MYO1G: variants seen among roughly 807,000 people sequenced by gnomAD.
MYO1G encodes unconventional myosin-Ig.
A neutral mutation model predicts 115.3 loss-of-function variants in MYO1G; 65 were observed. The observed-to-expected ratio is 0.56, with a 90% CI of 0.46 to 0.69. The LOEUF (loss-of-function observed/expected upper bound fraction) is 0.69, where lower values mean the gene tolerates loss of function less well. Among genes scored for constraint, MYO1G ranks in the 30% least tolerant of loss-of-function variants. The probability of loss-of-function intolerance (pLI) is 0.00; values close to 1 mark genes in which losing one functional copy is unlikely to be tolerated. For synonymous variants in MYO1G, 510 were observed against 552.6 expected (o/e 0.92, Z 1.08); for missense variants, 1,204 against 1,393.5 (o/e 0.86, Z 2.16).
In MYO1G at chr7:44,971,332, G is replaced by A. The variant is rs73694239; in HGVS notation, c.847-273C>T. 7.8e-3 allele frequency among the ~76,000 whole-genome samples: 1,183 copies of A among 152,310 alleles called. 11 individuals are homozygous for A. The highest frequency in any genetic ancestry group is 0.027 in the African/African-American group (1,133 of 41,556). On this transcript the variant is annotated intron_variant, in intron 7 of 21. Transcript: ENST00000258787. ...CCCATCGCATCCTCCCACAGCCAGC[G>A]GAGCCCTGCACTACTTACTCCTCAT...
chr7:44,976,926 C>G lies in MYO1G; in HGVS notation c.241G>C (p.Val81Leu), dbSNP rs969917828. The change falls in exon 2 of 22, where the codon GTG becomes CTG. Residue 81 changes from valine (V) to leucine (L), a missense_variant. Transcript: ENST00000258787. ...ATTGCCTTGTAGGCGGCGTTGGCCA[C>G]AGCATAGAGATGGGGTGGCCGCTCA... is the stretch of plus-strand genomic sequence containing the variant. ...LYERPPHLYA[V>L]ANAAYKAMKH... 6.2e-7 allele frequency: 1 copy of G among 1,613,606 alleles called. No homozygotes were observed. Among genetic ancestry groups the G allele is most frequent in the Non-Finnish European group, 8.5e-7 (1 of 1,180,042 alleles).
At position 44,970,033 on chromosome 7, in the gene MYO1G, T is replaced by C. The variant is rs1439904085; in HGVS notation, c.1332+7A>G. 1.2e-6 allele frequency: 2 copies of C among 1,612,736 alleles called. No individual in the cohort carries two copies. The highest frequency in any genetic ancestry group is 1.7e-6 in the Non-Finnish European group (2 of 1,179,170). ...TGCCTGGCCTCCCTCCAGGCCACAG[T>C]GCTCACGCTCTGCCAGGTGATGCCC... On this transcript the variant is annotated splice_region_variant and intron_variant, in intron 10 of 21. Transcript: ENST00000258787.
intron 12 of MYO1G, 29 bp from the exon 13 acceptor site, chr7:44,967,987 C>T: frequency 6.2e-7 from 1 of 1,606,462 alleles, no homozygotes; most frequent in Non-Finnish European, 8.5e-7. Flanking sequence ...GGTGAGGGAG[C>T]AGGGGCGGGG....
chr7:44,975,387 C>A (rs997941141), intron 4 of MYO1G, 97 bp downstream of exon 4: 2 of 1,535,498 alleles, frequency 1.3e-6, no homozygotes, highest in Non-Finnish European at 1.8e-6. Flanking sequence ...ACAGCCCAGC[C>A]CTCCTAAGCT....
Position 44,975,111 on chromosome 7 carries a change from C to T in MYO1G, c.618+63G>A. On this transcript the variant is annotated intron_variant, in intron 5 of 21. Coordinates refer to ENST00000258787, the MANE Select transcript of MYO1G (RefSeq NM_033054.3). Reference sequence around the variant, plus strand: ...AGTGATGGAAGGGTCACAAGCTGGTCCAGCTTGCTGCCCTCCCTTTCCCCA... The same window carrying T: ...AGTGATGGAAGGGTCACAAGCTGGTTCAGCTTGCTGCCCTCCCTTTCCCCA... 1.9e-6 allele frequency: 3 copies of T among 1,547,206 alleles called. No individual in the cohort carries two copies. In the East Asian group the frequency reaches 6.7e-5, roughly 35 times the overall value.
rs1302281721 is a variant in MYO1G at position 44,963,350 on chromosome 7, A to T, written c.2746-226T>A. The T allele has an allele frequency of 9.5e-6, 5 of 525,942 alleles. No homozygotes were observed. Among genetic ancestry groups the T allele is most frequent in the African/African-American group, 2.0e-5 (1 of 49,206 alleles). The allele number at this position is 525,942 out of a possible 1,614,324, so 32.6% of individuals were successfully genotyped here. A position where few individuals can be genotyped will look rare whatever the true frequency, so the allele number is the denominator to read the frequency against. On this transcript the variant is annotated intron_variant, in intron 20 of 21. Coordinates refer to ENST00000258787, the MANE Select transcript of MYO1G (RefSeq NM_033054.3). The surrounding 1 kb of genome is among the most constrained non-coding windows in gnomAD (Gnocchi z 4.1). Reference sequence around the variant, plus strand: ...CACAATACGATTTTCTCCAGGACTGATGGTTCTAGATCCTTGCTGTCCAAC... The same window carrying T: ...CACAATACGATTTTCTCCAGGACTGTTGGTTCTAGATCCTTGCTGTCCAAC...
chr7:44,976,840 G>A (rs1169516886), intron 2 of MYO1G, 23 bp downstream of exon 2: 5 of 1,611,032 alleles, frequency 3.1e-6, no homozygotes, highest in Non-Finnish European at 4.2e-6. Flanking sequence ...CGAGGGTGGG[G>A]GCCCGGCGGC....
chr7:44,965,956 C>T, intron 16 of MYO1G, 96 bp from the exon 17 acceptor site: 4 of 1,537,538 alleles, frequency 2.6e-6, no homozygotes, highest in Non-Finnish European at 3.5e-6. Flanking sequence ...TGAGCACTCC[C>T]TGGCCTGTCT....
rs745720343 is a variant in MYO1G, at chr7:44,969,766, C to G, written c.1442G>C (p.Arg481Pro). The change falls in exon 11 of 22, where the codon CGA (arginine) becomes CCA (proline). Residue 481 changes from arginine (R) to proline (P), a missense_variant. Transcript: ENST00000258787. This position sits in a 1 kb window ranked among gnomAD's most constrained non-coding sequence, Gnocchi z 5.0. ...CATGTCCAGGGTCTGCAGGAAGATT[C>G]GGTCAGTGATGGTGCCAGCAGAGCT... ...ACSSAGTITD[R>P]IFLQTLDMHH... 8 of 1,612,624 alleles carry G rather than the reference C, an allele frequency of 5.0e-6. No homozygotes were observed. Among genetic ancestry groups the G allele is most frequent in the Non-Finnish European group, 6.8e-6 (8 of 1,179,934 alleles).
In MYO1G at chr7:44,967,717, G is replaced by A; in HGVS notation, c.1670C>T (p.Ala557Val). 1.2e-6 allele frequency: 2 copies of A among 1,613,626 alleles called. No homozygotes were observed. Among genetic ancestry groups the A allele is most frequent in the Non-Finnish European group, 1.7e-6 (2 of 1,180,022 alleles). The change falls in exon 14 of 22, where the codon GCC becomes GTC. Residue 557 changes from alanine (A) to valine (V), a missense_variant. Physicochemically the swap from Ala to Val is moderately conservative, Grantham distance 64 (BLOSUM62 0). Coordinates refer to ENST00000258787, the MANE Select transcript of MYO1G (RefSeq NM_033054.3). ...GTCCTGCTGCCCGTCCGGCCACATG[G>A]CCCGTAGAGTGGGGTCCGTGCTGCA... ...LYNSTDPTLR[A>V]MWPDGQQDIT...
rs1208392160 is a variant in MYO1G, at chr7:44,962,733, G to T, written c.*6C>A. 6.9e-7 allele frequency: 1 copy of T among 1,456,280 alleles called. No homozygotes were observed. The allele number at this position is 1,456,280 out of a possible 1,614,324, so 90.2% of individuals were successfully genotyped here. A position where few individuals can be genotyped will look rare whatever the true frequency, so the allele number is the denominator to read the frequency against. Reference sequence around the variant, plus strand: ...GGCGGCCTCGGGGTGCGGCGGGTGCGGGCGCTCAGCGGCTGGGCCAGAGCA... The same window carrying T: ...GGCGGCCTCGGGGTGCGGCGGGTGCTGGCGCTCAGCGGCTGGGCCAGAGCA... On this transcript the variant is annotated 3_prime_UTR_variant, in exon 22 of 22. Coordinates refer to ENST00000258787, the MANE Select transcript of MYO1G (RefSeq NM_033054.3). This position sits in a 1 kb window ranked among gnomAD's most constrained non-coding sequence, Gnocchi z 5.3.
At chr7:44,971,264 GCCAAGGCCTCGAGGCCTCGAGT>G (rs373653080) in intron 7 of MYO1G, among the ~76,000 whole-genome samples, 2,867 of 152,268 alleles carry the variant, frequency 0.019, 88 homozygotes, top group African/African-American at 0.065. Context: ...CAGAGTCTCT[GCCAAGGCCTCGAGGCCTCGAGT>G]CCAAATGACA....
intron 13 of MYO1G, 24 bp downstream of exon 13, chr7:44,967,860 T>G: frequency 6.2e-7 from 1 of 1,613,598 alleles, no homozygotes; most frequent in Non-Finnish European, 8.5e-7. Context: ...GCCCTCCCTA[T>G]GGTGCCCAGC....
chr7:44,962,668 C>T lies in MYO1G; in HGVS notation c.*71G>A. Reference sequence around the variant, plus strand: ...CGGGAGCGGCGAGCAGGAGGGCTGACTCAGAAGGTTTATTTGCAGCGCTGG... The same window carrying T: ...CGGGAGCGGCGAGCAGGAGGGCTGATTCAGAAGGTTTATTTGCAGCGCTGG... On this transcript the variant is annotated 3_prime_UTR_variant, in exon 22 of 22. Coordinates refer to ENST00000258787, the MANE Select transcript of MYO1G (RefSeq NM_033054.3). The surrounding 1 kb of genome is among the most constrained non-coding windows in gnomAD (Gnocchi z 5.3). The T allele has an allele frequency of 7.1e-7, 1 of 1,413,956 alleles. No homozygotes were observed. Among genetic ancestry groups the T allele is most frequent in the Middle Eastern group, 2.6e-4 (1 of 3,784 alleles). The allele number at this position is 1,413,956 out of a possible 1,614,324, so 87.6% of individuals were successfully genotyped here.
Position 44,970,461 on chromosome 7 carries a change from G to A in MYO1G, c.1217+131C>T, listed in dbSNP as rs1794933977. 13 of 1,243,824 alleles carry A rather than the reference G, an allele frequency of 1.0e-5. 1 individual carries two copies. The South Asian group carries it at 1.9e-4, about 18-fold the overall frequency. 77.0% of individuals were successfully genotyped at this position (1,243,824 alleles called of 1,614,324 possible). A position where few individuals can be genotyped will look rare whatever the true frequency, so the allele number is the denominator to read the frequency against. On this transcript the variant is annotated intron_variant, in intron 9 of 21. Transcript: ENST00000258787. Reference sequence around the variant, plus strand: ...GGTGAGGCAGGTTTGGGAGGCATGAGCCTTGGGCCCAGGGACCAGCCGGGA... The same window carrying A: ...GGTGAGGCAGGTTTGGGAGGCATGAACCTTGGGCCCAGGGACCAGCCGGGA...
intron 3 of MYO1G, among the ~76,000 whole-genome samples, chr7:44,975,991 C>A (rs531485082): frequency 3.3e-5 from 5 of 152,362 alleles, no homozygotes; most frequent in African/African-American, 1.2e-4. Flanking sequence ...GGGCTTTAGA[C>A]CTCCAGCTGC....
chr7:44,978,813 G>A (rs1044897392), intron 1 of MYO1G, 54 bp downstream of exon 1: 33 of 1,533,442 alleles, frequency 2.2e-5, no homozygotes, highest in Middle Eastern at 1.7e-4. Flanking sequence ...CTGCGAGGAC[G>A]CAAGGTGGGA....
At position 44,976,588 on chromosome 7, in the gene MYO1G, G is replaced by T; in HGVS notation, c.374C>A (p.Pro125Gln). 6.2e-7 allele frequency: 1 copy of T among 1,614,128 alleles called. No individual in the cohort carries two copies. The highest frequency in any genetic ancestry group is 2.2e-5 in the East Asian group (1 of 44,884). Residue 125 changes from proline to glutamine, a missense_variant, in exon 3 of 22, where the codon CCA becomes CAA. Pro to Gln is a moderately conservative substitution (Grantham distance 76). Coordinates refer to ENST00000258787, the MANE Select transcript of MYO1G (RefSeq NM_033054.3). ...IMQYIAAVTNPSQRAEVERVK... is the reference protein window; with the variant it reads ...IMQYIAAVTNQSQRAEVERVK... ...CCTCTCCACCTCAGCCCTCTGGCTT[G>T]GATTGGTGACAGCAGCGATGTACTG...
In MYO1G at chr7:44,969,045, G is replaced by A. The variant is rs1261671728; in HGVS notation, c.1574+368C>T. ...TATGGTAGCGAGGCCTCACCTGGGA[G>A]CTTGTTAGAAATGCAGAATCTTGGC... On this transcript the variant is annotated intron_variant, in intron 12 of 21. Coordinates refer to ENST00000258787, the MANE Select transcript of MYO1G (RefSeq NM_033054.3). The surrounding 1 kb of genome is among the most constrained non-coding windows in gnomAD (Gnocchi z 5.0). 5 of 244,506 alleles carry A rather than the reference G, an allele frequency of 2.0e-5. No individual in the cohort carries two copies. The highest frequency in any genetic ancestry group is 9.6e-5 in the East Asian group (1 of 10,414). The allele number at this position is 244,506 out of a possible 1,614,324, so 15.1% of individuals were successfully genotyped here.
Sources: allele counts gnomAD v4.1 joint callset (sites outside exome capture counted in the v4.1 genomes callset), GRCh38; gene constraint gnomAD v4.1.1; non-coding constraint Gnocchi (gnomAD v3.1); transcripts MANE v1.5; gene names NCBI Gene and HGNC (gene_info 2026-07-23, HGNC 2026-07-21).